The following FAM149B1 variants were observed in gnomAD, a reference collection of about 807,000 sequenced individuals.
FAM149B1 encodes the protein family with sequence similarity 149 member B1.
FAM149B1 carries 56 observed loss-of-function variants against 75.3 expected under a neutral mutation model. The ratio of observed to expected loss-of-function variants is 0.74; its 90% CI spans 0.60 to 0.93. The LOEUF (loss-of-function observed/expected upper bound fraction) is 0.93, where lower values mean the gene tolerates loss of function less well. FAM149B1 is among the 40% of genes least tolerant of loss of function. The pLI is 0.00. For missense variants in FAM149B1, 639 were observed against 708.4 expected (o/e 0.90, Z 1.11); for synonymous variants, 259 against 256.1 (o/e 1.01, Z -0.11).
At position 73,208,656 on chromosome 10, in the gene FAM149B1, T is replaced by G. The variant is rs766159901; in HGVS notation, c.580T>G (p.Ser194Ala). ...GGGAAAGAAGTTACATTTTTCATCT[T>G]CTTATGCTCATAAAGCATCTTCCAT... ...IRGKKLHFSS[S>A]YAHKASSIAK... Residue 194 changes from serine (S) to alanine (A), a missense_variant, in exon 6 of 14, where the codon TCT (serine) becomes GCT (alanine). Transcript: ENST00000242505. The G allele has an allele frequency of 5.2e-6, 8 of 1,544,248 alleles. No homozygotes were observed. Among genetic ancestry groups the G allele is most frequent in the Non-Finnish European group, 6.1e-6 (7 of 1,143,034 alleles).
intron 3 of FAM149B1, among the ~76,000 whole-genome samples, chr10:73,182,133 T>G (rs1159420209): frequency 3.9e-5 from 6 of 152,096 alleles, no homozygotes; most frequent in Non-Finnish European, 8.8e-5. Context: ...TCTGTATGTG[T>G]CTTTATAGGT....
rs1843958736 is a variant in FAM149B1, at chr10:73,176,191, CT to C, written c.152+1402del. Among the ~76,000 whole-genome samples, 3 of 152,158 alleles carry C rather than the reference CT, an allele frequency of 2.0e-5. No individual in the cohort carries two copies. The South Asian group carries it at 6.2e-4, about 32-fold the overall frequency. The stretch of plus-strand genomic sequence containing the variant: ...CATAAGGAATGCACAACCTAGATCC[CT>C]TGCATGCGCAGTTTGTGCTCCTGTG... On this transcript the variant is annotated intron_variant, in intron 2 of 13. Transcript: ENST00000242505.
intron 7 of FAM149B1, among the ~76,000 whole-genome samples, chr10:73,217,901 G>A (rs1455524159): frequency 6.6e-6 from 1 of 152,134 alleles, no homozygotes; most frequent in African/African-American, 2.4e-5. Flanking sequence ...TCACTCACGT[G>A]GTTTTCAAGA....
intron 1 of FAM149B1, among the ~76,000 whole-genome samples, chr10:73,172,955 T>A (rs1389209336): frequency 1.4e-5 from 2 of 148,120 alleles, no homozygotes; most frequent in African/African-American, 2.5e-5. Context: ...AAAAAAAAAA[T>A]TAAAGATTAA....
At chr10:73,194,989 T>C (rs557481268) in intron 5 of FAM149B1, among the ~76,000 whole-genome samples, 1 of 152,314 alleles carries the variant, frequency 6.6e-6, no homozygotes, top group East Asian at 1.9e-4. Flanking sequence ...CAGCCCAAAG[T>C]AGTTTTTAAA....
chr10:73,235,258 A>G lies in FAM149B1; in HGVS notation c.1542A>G (p.Pro514=). ...TGGATGAACCTAACTATCAGCAGCC[A>G]CAAGAAAGGCTCCTTTTGCCCGACT... ...AVVDEPNYQQ[P]QERLLLPDFF... The change falls in exon 12 of 14, where the codon CCA becomes CCG. Residue 514 remains proline, a synonymous_variant. Coordinates refer to ENST00000242505, the MANE Select transcript of FAM149B1 (RefSeq NM_173348.2). The G allele has an allele frequency of 1.9e-6, 3 of 1,552,060 alleles. No homozygotes were observed. Among genetic ancestry groups the G allele is most frequent in the Non-Finnish European group, 2.6e-6 (3 of 1,147,040 alleles).
intron 7 of FAM149B1, among the ~76,000 whole-genome samples, chr10:73,225,386 T>C (rs1255325735): frequency 6.6e-6 from 1 of 152,174 alleles, no homozygotes; most frequent in African/African-American, 2.4e-5. Flanking sequence ...CCTCATCCTA[T>C]GTAGGCCTAG....
At position 73,243,509 on chromosome 10, in the gene FAM149B1, T is replaced by G. The variant is rs1179479459; in HGVS notation, c.*2490T>G. 6.2e-7 allele frequency: 1 copy of G among 1,614,038 alleles called. No homozygotes were observed. The highest frequency in any genetic ancestry group is 1.7e-5 in the Admixed American group (1 of 59,998). ...ATTGTCCATTTCCTTTTGCCGATCC[T>G]TTTGTCTGCTCTGTTTGAGAAGTTA... On this transcript the variant is annotated 3_prime_UTR_variant, in exon 14 of 14. Coordinates refer to ENST00000242505, the MANE Select transcript of FAM149B1 (RefSeq NM_173348.2).
intron 7 of FAM149B1, 76 bp from the exon 8 acceptor site, chr10:73,227,979 CAGGAG>C (rs1312154306): frequency 3.0e-6 from 4 of 1,355,196 alleles, no homozygotes; most frequent in African/African-American, 2.9e-5. Context: ...TATGAATTCT[CAGGAG>C]AGATCTTTTT....
At chr10:73,191,831 C>T (rs979149921) in intron 3 of FAM149B1, among the ~76,000 whole-genome samples, 6 of 151,968 alleles carry the variant, frequency 3.9e-5, no homozygotes, top group African/African-American at 1.5e-4. Flanking sequence ...TTTCTTTATA[C>T]TTTTCTGTAT....
intron 7 of FAM149B1, among the ~76,000 whole-genome samples, chr10:73,221,542 T>C (rs2133384946): frequency 6.6e-6 from 1 of 152,302 alleles, no homozygotes; most frequent in East Asian, 1.9e-4. Flanking sequence ...TTGGTGCATG[T>C]ATTTTTTTTT....
At position 73,242,196 on chromosome 10, in the gene FAM149B1, C is replaced by T. The variant is rs555633400; in HGVS notation, c.*1177C>T. The T allele has an allele frequency of 6.6e-6, 1 of 152,102 alleles. No homozygotes were observed. Among genetic ancestry groups the T allele is most frequent in the South Asian group, 2.1e-4 (1 of 4,822 alleles). The allele number at this position is 152,102 out of a possible 1,614,324, so 9.4% of individuals were successfully genotyped here. The stretch of plus-strand genomic sequence containing the variant: ...TTTTTAACCTATTTGTAGTCACAAA[C>T]CGAAAACGTGTCGTCTTTACCTTAG... On this transcript the variant is annotated 3_prime_UTR_variant, in exon 14 of 14. Transcript: ENST00000242505.
At position 73,232,983 on chromosome 10, in the gene FAM149B1, T is replaced by C. The variant is rs909963701; in HGVS notation, c.1172T>C (p.Ile391Thr). Residue 391 changes from isoleucine to threonine, a missense_variant, in exon 10 of 14, where the codon ATC becomes ACC. By Grantham distance (89) the Ile-to-Thr change is moderately conservative (BLOSUM62 -1). Coordinates refer to ENST00000242505, the MANE Select transcript of FAM149B1 (RefSeq NM_173348.2). ...KLLMRPGSST[I>T]LSTRNWPNRA... ...CTTATGAGGCCTGGGTCCAGTACCATCCTTTCAACTCGAAATTGGCCAAAT... is the reference window on the plus strand; with the variant it reads ...CTTATGAGGCCTGGGTCCAGTACCACCCTTTCAACTCGAAATTGGCCAAAT... 1 of 1,552,012 alleles carries C rather than the reference T, an allele frequency of 6.4e-7. No individual in the cohort carries two copies. Among genetic ancestry groups the C allele is most frequent in the African/African-American group, 1.4e-5 (1 of 73,152 alleles).
Position 73,243,354 on chromosome 10 carries a change from G to C in FAM149B1, c.*2335G>C. 2 of 1,606,390 alleles carry C rather than the reference G, an allele frequency of 1.2e-6. No homozygotes were observed. The highest frequency in any genetic ancestry group is 1.7e-6 in the Non-Finnish European group (2 of 1,177,500). On this transcript the variant is annotated 3_prime_UTR_variant, in exon 14 of 14. Coordinates refer to ENST00000242505, the MANE Select transcript of FAM149B1 (RefSeq NM_173348.2). ...CAAATCCTGCCTGCACCTTGCCTAC[G>C]ATGGCATCAATTTACACCTAAGGAC...
At chr10:73,175,103 A>G (rs74955283) in intron 2 of FAM149B1, among the ~76,000 whole-genome samples, 7,702 of 152,220 alleles carry the variant, frequency 0.051, 609 homozygotes, top group African/African-American at 0.17. Flanking sequence ...TGGTACTTAC[A>G]ATCCCAGCAC....
intron 6 of FAM149B1, among the ~76,000 whole-genome samples, chr10:73,209,588 G>A (rs2133366915): frequency 6.6e-6 from 1 of 152,274 alleles, no homozygotes; most frequent in East Asian, 1.9e-4. Flanking sequence ...CTATCACATA[G>A]ATATGATTTA....
At position 73,243,445 on chromosome 10, in the gene FAM149B1, G is replaced by A; in HGVS notation, c.*2426G>A. ...GAGCAGATTTTTTCCCTCCTCCTTT[G>A]GAAGATTTGCAGTACTTTGCTTCCA... On this transcript the variant is annotated 3_prime_UTR_variant, in exon 14 of 14. Transcript: ENST00000242505. 2 of 1,613,850 alleles carry A rather than the reference G, an allele frequency of 1.2e-6. No individual in the cohort carries two copies. The highest frequency in any genetic ancestry group is 1.7e-5 in the Admixed American group (1 of 60,004).
chr10:73,192,604 A>G lies in FAM149B1; in HGVS notation c.331A>G (p.Ile111Val), dbSNP rs1009293598. 1.9e-6 allele frequency: 3 copies of G among 1,551,996 alleles called. No individual in the cohort carries two copies. The highest frequency in any genetic ancestry group is 2.7e-5 in the African/African-American group (2 of 73,168). The change falls in exon 4 of 14, where the codon ATT (isoleucine) becomes GTT (valine). Residue 111 changes from isoleucine (I) to valine (V), a missense_variant. Ile to Val is a conservative substitution (Grantham distance 29, BLOSUM62 3). Coordinates refer to ENST00000242505, the MANE Select transcript of FAM149B1 (RefSeq NM_173348.2). ...AAAAGTCCAGACAATGTTCACAGCC[A>G]TTGATGAACTCTTGTATGAGCAGAA... is the stretch of plus-strand genomic sequence containing the variant. ...TEKVQTMFTAIDELLYEQKLS... is the reference protein window; with the variant it reads ...TEKVQTMFTAVDELLYEQKLS...
Position 73,233,045 on chromosome 10 carries a change from A to C in FAM149B1, c.1234A>C (p.Thr412Pro), listed in dbSNP as rs2133405359. The C allele has an allele frequency of 6.4e-7, 1 of 1,551,746 alleles. No homozygotes were observed. Among genetic ancestry groups the C allele is most frequent in the East Asian group, 2.4e-5 (1 of 40,914 alleles). ...VEFSTSSLSY[T>P]VQSTRRRNPP... is the part of the protein sequence containing the mutation. ...GTTTAGTACATCATCTCTGTCATAC[A>C]CAGTGCAGTCCACCAGGAGACGCAA... The change falls in exon 10 of 14, where the codon ACA becomes CCA. Residue 412 changes from threonine (T) to proline (P), a missense_variant. Transcript: ENST00000242505.
Sources: gnomAD v4.1 joint callset for allele counts (sites outside exome capture counted in the v4.1 genomes callset) on GRCh38, gnomAD v4.1.1 for gene constraint, MANE v1.5 for transcripts, NCBI Gene and HGNC (gene_info 2026-07-23, HGNC 2026-07-21) for gene names.